The following FAM222B variants were observed in gnomAD, a reference collection of about 807,000 sequenced individuals.
FAM222B encodes protein FAM222B.
Under a neutral mutation model 38.0 loss-of-function variants are expected in FAM222B, and 12 were observed. The observed-to-expected ratio is 0.32, with a 90% CI of 0.20 to 0.51. The LOEUF is 0.51. Among genes scored for constraint, FAM222B ranks in the 20% least tolerant of loss-of-function variants. The probability of loss-of-function intolerance (pLI) is 0.97; values close to 1 mark genes in which losing one functional copy is unlikely to be tolerated. For synonymous variants in FAM222B, 329 were observed against 317.2 expected, an observed-to-expected ratio of 1.04 and a Z score of -0.40; for missense variants, 716 against 754.2, an observed-to-expected ratio of 0.95 and a Z score of 0.59.
At chr17:28,780,200 G>C (rs539430188) in intron 1 of FAM222B, among the ~76,000 whole-genome samples, 141 of 152,062 alleles carry the variant, frequency 9.3e-4, no homozygotes, top group Middle Eastern at 3.4e-3. Context: ...TCGATCTCCT[G>C]ACCTCATGAT....
At chr17:28,817,040 A>G in intron 1 of FAM222B, among the ~76,000 whole-genome samples, 1 of 152,116 alleles carries the variant, frequency 6.6e-6, no homozygotes, top group East Asian at 1.9e-4. Flanking sequence ...TAGACCCCAG[A>G]GACAAAAAGA....
At chr17:28,799,679 C>A (rs2037127074) in intron 1 of FAM222B, among the ~76,000 whole-genome samples, 1 of 152,184 alleles carries the variant, frequency 6.6e-6, no homozygotes, top group Admixed American at 6.5e-5. Flanking sequence ...ACCACTATAG[C>A]TCACTGCAGC....
chr17:28,807,840 G>C (rs1415100545), intron 1 of FAM222B, among the ~76,000 whole-genome samples: 3 of 152,124 alleles, frequency 2.0e-5, no homozygotes, highest in African/African-American at 7.2e-5. Context: ...AAGATACAAA[G>C]GCCTGGACTC....
intron 1 of FAM222B, among the ~76,000 whole-genome samples, chr17:28,814,144 C>T (rs1407800538): frequency 6.7e-6 from 1 of 150,256 alleles, no homozygotes; most frequent in African/African-American, 2.5e-5. Flanking sequence ...CGTGCCACTG[C>T]ACTCCAGCCT....
chr17:28,826,433 C>A (rs910998273), intron 1 of FAM222B, among the ~76,000 whole-genome samples: 4 of 152,050 alleles, frequency 2.6e-5, no homozygotes, highest in Admixed American at 6.5e-5. Flanking sequence ...GTAATCCCAA[C>A]ACTTTGGGAG....
Position 28,803,980 on chromosome 17 carries a change from C to CA in FAM222B, c.-40-37274dup, listed in dbSNP as rs201875974. 6.6e-3 allele frequency among the ~76,000 whole-genome samples: 964 copies of CA among 145,896 alleles called. 12 individuals are homozygous for CA. The highest frequency in any genetic ancestry group is 0.022 in the African/African-American group (874 of 39,822). Reference sequence around the variant, plus strand: ...TGGGTGACAGAGCAAGACCACGTCTCAAAAAAAAAACCAAAAAGCAAAAAA... The same window carrying CA: ...TGGGTGACAGAGCAAGACCACGTCTCAAAAAAAAAAACCAAAAAGCAAAAAA... On this transcript the variant is annotated intron_variant, in intron 1 of 2. Transcript: ENST00000581407.
chr17:28,803,816 A>T (rs1368884252), intron 1 of FAM222B, among the ~76,000 whole-genome samples: 1 of 151,662 alleles, frequency 6.6e-6, no homozygotes, highest in Non-Finnish European at 1.5e-5. Flanking sequence ...CATCTCTACT[A>T]AAAAAATACA....
chr17:28,848,436 G>A (rs1340986684), intron 1 of FAM222B, among the ~76,000 whole-genome samples: 1 of 151,986 alleles, frequency 6.6e-6, no homozygotes, highest in Non-Finnish European at 1.5e-5. Context: ...ATTGGCAGGG[G>A]AAAAATCCAC....
At chr17:28,808,456 G>T (rs963517185) in intron 1 of FAM222B, among the ~76,000 whole-genome samples, 3 of 152,300 alleles carry the variant, frequency 2.0e-5, no homozygotes, top group Admixed American at 2.0e-4. Flanking sequence ...ACTGAGAACA[G>T]ACTGTAAACT....
chr17:28,775,454 C>G (rs1038815503), intron 1 of FAM222B, among the ~76,000 whole-genome samples: 3 of 116,238 alleles, frequency 2.6e-5, no homozygotes, highest in African/African-American at 9.4e-5. Flanking sequence ...CTTCCTTTCA[C>G]TGCCTTCAAA....
intron 1 of FAM222B, among the ~76,000 whole-genome samples, chr17:28,800,682 A>G (rs779184871): frequency 1.3e-5 from 2 of 152,108 alleles, no homozygotes; most frequent in Non-Finnish European, 2.9e-5. Flanking sequence ...GTCTCTCTGG[A>G]GAAAAGTTCT....
At chr17:28,790,538 G>A (rs956667670) in intron 1 of FAM222B, 1 of 152,098 alleles carries the variant, frequency 6.6e-6, no homozygotes, top group African/African-American at 2.4e-5. Flanking sequence ...ATCAAAGAAG[G>A]CCTGAAGAAA....
chr17:28,822,326 A>G (rs967514904), intron 1 of FAM222B, among the ~76,000 whole-genome samples: 1 of 148,082 alleles, frequency 6.8e-6, no homozygotes, highest in African/African-American at 2.5e-5. Flanking sequence ...GCCTAAAAGT[A>G]TTTTTTAAAA....
At chr17:28,847,021 C>T (rs1382325807), upstream of FAM222B, among the ~76,000 whole-genome samples, 8 of 151,714 alleles carry the variant, frequency 5.3e-5, no homozygotes, top group East Asian at 3.9e-4. Context: ...GTCAGGAGTT[C>T]GAGACCAGCC....
chr17:28,812,996 G>A (rs1382926543), intron 1 of FAM222B, among the ~76,000 whole-genome samples: 1 of 119,930 alleles, frequency 8.3e-6, no homozygotes, highest in Non-Finnish European at 1.7e-5. Flanking sequence ...TCGGAAACTC[G>A]TGCTTCCCGT....
chr17:28,794,840 C>T (rs1453108777), intron 1 of FAM222B, among the ~76,000 whole-genome samples: 1 of 151,958 alleles, frequency 6.6e-6, no homozygotes, highest in Admixed American at 6.6e-5. Flanking sequence ...TGCCTGTAAT[C>T]CCAGCACTTC....
At chr17:28,797,152 G>A (rs2036981464) in intron 1 of FAM222B, among the ~76,000 whole-genome samples, 1 of 151,910 alleles carries the variant, frequency 6.6e-6, no homozygotes, top group Admixed American at 6.6e-5. Flanking sequence ...ACAGACGTAA[G>A]TCACCACACC....
chr17:28,777,749 G>A (rs903675231), intron 1 of FAM222B, among the ~76,000 whole-genome samples: 6 of 151,922 alleles, frequency 3.9e-5, no homozygotes, highest in African/African-American at 1.5e-4. Context: ...TACTAGGGGA[G>A]TGAGAGGAAA....
chr17:28,804,119 G>A (rs1039634550), intron 1 of FAM222B, among the ~76,000 whole-genome samples: 2 of 152,022 alleles, frequency 1.3e-5, no homozygotes, highest in Non-Finnish European at 2.9e-5. Context: ...AGGTCTCTTC[G>A]GGAACCAGGA....
Sources: gnomAD v4.1 joint callset for allele counts (sites outside exome capture counted in the v4.1 genomes callset) on GRCh38, gnomAD v4.1.1 for gene constraint, MANE v1.5 for transcripts, NCBI Gene and HGNC (gene_info 2026-07-23, HGNC 2026-07-21) for gene names.